Variants in SETBP1 observed in about 807,000 individuals in gnomAD.
SETBP1 encodes the protein SET binding protein 1, also known as SET-binding protein.
A neutral mutation model predicts 101.0 loss-of-function variants in SETBP1; 9 were observed. That is an observed-to-expected ratio of 0.09 (90% confidence interval 0.05 to 0.16). The LOEUF (loss-of-function observed/expected upper bound fraction) is 0.16, where lower values mean the gene tolerates loss of function less well. SETBP1 is among the 10% of genes least tolerant of loss of function. The probability of loss-of-function intolerance (pLI) is 1.00; values close to 1 mark genes in which losing one functional copy is unlikely to be tolerated. For missense variants in SETBP1, 1,858 were observed against 2,033.8 expected, an observed-to-expected ratio of 0.91 and a Z score of 1.66; for synonymous variants, 818 against 788.5, an observed-to-expected ratio of 1.04 and a Z score of -0.63.
intron 2 of SETBP1, among the ~76,000 whole-genome samples, chr18:44,827,355 G>A (rs984372968): frequency 3.3e-5 from 5 of 152,170 alleles, no homozygotes; most frequent in Non-Finnish European, 7.4e-5. Flanking sequence ...TGTCATTAGA[G>A]ACACGCTTGT....
chr18:44,740,629 G>A (rs1039842505), intron 2 of SETBP1, among the ~76,000 whole-genome samples: 30 of 152,146 alleles, frequency 2.0e-4, no homozygotes, highest in African/African-American at 5.6e-4. Context: ...TACATTTCTC[G>A]TGGACACTGG....
At chr18:44,971,776 G>A (rs547773381) in intron 4 of SETBP1, among the ~76,000 whole-genome samples, 12 of 152,238 alleles carry the variant, frequency 7.9e-5, no homozygotes, top group Admixed American at 6.5e-4. Context: ...CTGGCTATTA[G>A]CCCTTTGTCA....
At chr18:44,770,257 G>A (rs2070844588) in intron 2 of SETBP1, among the ~76,000 whole-genome samples, 1 of 152,210 alleles carries the variant, frequency 6.6e-6, no homozygotes, top group African/African-American at 2.4e-5. Context: ...ATGAGAGAGA[G>A]CATAGAGCCA....
At chr18:45,016,692 A>T (rs1392614837) in intron 4 of SETBP1, among the ~76,000 whole-genome samples, 2 of 151,786 alleles carry the variant, frequency 1.3e-5, no homozygotes, top group Admixed American at 1.3e-4. Flanking sequence ...CAGGATCTCC[A>T]GGGCTCTGGG....
At chr18:44,880,950 CA>C (rs2069518152) in intron 3 of SETBP1, among the ~76,000 whole-genome samples, 1 of 152,132 alleles carries the variant, frequency 6.6e-6, no homozygotes, top group African/African-American at 2.4e-5. Context: ...GTGCTTCCAG[CA>C]AAAAGTAGAT....
At chr18:44,882,692 C>T (rs1290497983) in intron 3 of SETBP1, among the ~76,000 whole-genome samples, 3 of 152,044 alleles carry the variant, frequency 2.0e-5, no homozygotes, top group African/African-American at 4.8e-5. Flanking sequence ...TGGGTCAGGT[C>T]CTATTTTAGA....
chr18:44,963,636 C>T (rs2071658703), intron 4 of SETBP1, among the ~76,000 whole-genome samples: 1 of 151,964 alleles, frequency 6.6e-6, no homozygotes, highest in Non-Finnish European at 1.5e-5. Flanking sequence ...CACCTGTAAT[C>T]CCAGCACTTT....
chr18:44,805,117 C>T (rs2071699284), intron 2 of SETBP1, among the ~76,000 whole-genome samples: 1 of 152,080 alleles, frequency 6.6e-6, no homozygotes, highest in Admixed American at 6.5e-5. Flanking sequence ...TACACTTTGT[C>T]CATACAACTA....
chr18:45,003,475 G>C (rs1019118346), intron 4 of SETBP1, among the ~76,000 whole-genome samples: 1 of 152,180 alleles, frequency 6.6e-6, no homozygotes, highest in Admixed American at 6.5e-5. Context: ...TTAGACAGCA[G>C]TCTATGCCAC....
rs79661273 is a variant in SETBP1, at chr18:44,693,240, G to A, written c.-172-7935G>A. ...TCTGGCCTCTCATTCAACATTCACC[G>A]AATGAGTAATTTGGAGTGTCTCTCT... On this transcript the variant is annotated intron_variant, in intron 1 of 5. Transcript: ENST00000649279. Among the ~76,000 whole-genome samples the A allele has an allele frequency of 1.9e-3, 285 of 152,222 alleles. 2 individuals are homozygous for A. Among genetic ancestry groups the A allele is most frequent in the African/African-American group, 6.6e-3 (274 of 41,530 alleles).
intron 2 of SETBP1, among the ~76,000 whole-genome samples, chr18:44,850,591 G>T (rs541291844): frequency 2.0e-5 from 3 of 151,972 alleles, no homozygotes; most frequent in African/African-American, 7.2e-5. Flanking sequence ...GGCTGGTCTC[G>T]AACTCCTAAC....
At chr18:44,853,276 C>T (rs1245323858) in intron 2 of SETBP1, among the ~76,000 whole-genome samples, 1 of 152,108 alleles carries the variant, frequency 6.6e-6, no homozygotes, top group Non-Finnish European at 1.5e-5. Flanking sequence ...ATTTAGAGGG[C>T]CAGGTGTAAG....
intron 2 of SETBP1, among the ~76,000 whole-genome samples, chr18:44,806,610 T>G (rs1377100036): frequency 7.1e-6 from 1 of 139,876 alleles, no homozygotes; most frequent in Non-Finnish European, 1.6e-5. Context: ...AGACTTTGGC[T>G]CATAATGAGC....
At chr18:45,051,202 A>G (rs2073715131) in intron 5 of SETBP1, among the ~76,000 whole-genome samples, 1 of 152,190 alleles carries the variant, frequency 6.6e-6, no homozygotes, top group South Asian at 2.1e-4. Flanking sequence ...TGTATGAGCC[A>G]ATAATTTATG....
chr18:44,950,695 T>C lies in SETBP1; in HGVS notation c.1355T>C (p.Leu452Pro), dbSNP rs766842400. ...AGCAGTGAAGTAGTTAACAGGATAC[T>C]TTCCAACTCTGAGGGGAATAAGAAG... ...TMSSEVVNRI[L>P]SNSEGNKKDP... The change falls in exon 4 of 6, where the codon CTT becomes CCT. Residue 452 changes from leucine to proline, a missense_variant. Physicochemically the swap from Leu to Pro is moderately conservative, Grantham distance 98. Around this residue, in one of 12 missense-constraint regions of SETBP1, gnomAD observed 581 missense variants for 535.1 expected, o/e 1.09. Transcript: ENST00000649279. 1.2e-6 allele frequency: 2 copies of C among 1,614,024 alleles called. No individual in the cohort carries two copies. The highest frequency in any genetic ancestry group is 2.7e-5 in the African/African-American group (2 of 74,918).
chr18:44,763,371 G>A (rs1016556347), intron 2 of SETBP1, among the ~76,000 whole-genome samples: 2 of 152,130 alleles, frequency 1.3e-5, no homozygotes, highest in South Asian at 2.1e-4. Flanking sequence ...TTCGTGTCCC[G>A]GTGTCTTCAC....
intron 2 of SETBP1, among the ~76,000 whole-genome samples, chr18:44,770,461 A>G (rs2360638): frequency 0.83 from 125,918 of 152,210 alleles, 52,164 homozygotes; most frequent in Admixed American, 0.87. Flanking sequence ...ATCTATTTTC[A>G]CCTTTGATTT....
intron 2 of SETBP1, among the ~76,000 whole-genome samples, chr18:44,788,813 TTG>T (rs2071306207): frequency 3.4e-5 from 5 of 145,558 alleles, no homozygotes; most frequent in South Asian, 2.2e-4. Context: ...TTTTTTTTTT[TTG>T]GAGACAGGAT....
rs2070879951 is a variant in SETBP1, at chr18:44,933,330, C to T, written c.541-16551C>T. Among the ~76,000 whole-genome samples, 5 of 152,204 alleles carry T rather than the reference C, an allele frequency of 3.3e-5. No homozygotes were observed. In the South Asian group the frequency reaches 1.0e-3, roughly 31 times the overall value. On this transcript the variant is annotated intron_variant, in intron 3 of 5. Transcript: ENST00000649279. ...CTCTGGAAGCTTCATCTCAGAGGGG[C>T]ACCCAGCCGTATGAGGTGTCAGTCG...
Sources: allele counts gnomAD v4.1 joint callset (sites outside exome capture counted in the v4.1 genomes callset), GRCh38; gene constraint gnomAD v4.1.1; regional missense constraint gnomAD v4.1.1; transcripts MANE v1.5; gene names NCBI Gene and HGNC (gene_info 2026-07-23, HGNC 2026-07-21).